Variants in TLR1 observed in about 807,000 individuals in gnomAD.
The protein encoded by TLR1 is toll-like receptor 1.
A neutral mutation model predicts 20.2 loss-of-function variants in TLR1; 19 were observed. The ratio of observed to expected loss-of-function variants is 0.94; its 90% CI spans 0.66 to 1.38. The LOEUF (loss-of-function observed/expected upper bound fraction) is 1.38, where lower values mean the gene tolerates loss of function less well. Ranked by LOEUF, TLR1 falls within the 40% of genes most tolerant of loss-of-function variation. The pLI is 0.00. For missense variants in TLR1, 921 were observed against 910.0 expected, an observed-to-expected ratio of 1.01 and a Z score of -0.16; for synonymous variants, 320 against 334.5, an observed-to-expected ratio of 0.96 and a Z score of 0.47.
chr4:38,796,385 C>A lies in TLR1; in HGVS notation c.*86G>T. On this transcript the variant is annotated 3_prime_UTR_variant, in exon 4 of 4. Transcript: ENST00000308979. ...CATACACTCACAATTGTGTTTACAT[C>A]TATGCTGATGCAAAATAAAGTCATT... The A allele has an allele frequency of 2.1e-6, 3 of 1,459,986 alleles. No homozygotes were observed. The highest frequency in any genetic ancestry group is 2.8e-6 in the Non-Finnish European group (3 of 1,072,956). 90.4% of individuals were successfully genotyped at this position (1,459,986 alleles called of 1,614,324 possible).
chr4:38,797,865 A>C lies in TLR1; in HGVS notation c.967T>G (p.Phe323Val). 6.2e-7 allele frequency: 1 copy of C among 1,614,010 alleles called. No homozygotes were observed. The highest frequency in any genetic ancestry group is 1.1e-5 in the South Asian group (1 of 91,088). The part of the protein sequence containing the change: ...GFPQSYIYEI[F>V]SNMNIKNFTV... ...AAATTTTTGATGTTCATATTCGAAA[A>C]GATTTCATAGATATAACTTTGCGGA... Residue 323 changes from phenylalanine to valine, a missense_variant, in exon 4 of 4, where the codon TTT becomes GTT. Phe to Val is a conservative substitution (Grantham distance 50, BLOSUM62 -1). Transcript: ENST00000308979.
intron 1 of TLR1, 112 bp downstream of exon 1, chr4:38,804,642 A>G (rs1560465236): frequency 2.0e-5 from 3 of 152,254 alleles, no homozygotes; most frequent in African/African-American, 7.2e-5. Context: ...TATCAGAAAT[A>G]TAACCCACTT....
chr4:38,799,418 G>C (rs1726476834), intron 3 of TLR1, among the ~76,000 whole-genome samples: 1 of 152,330 alleles, frequency 6.6e-6, no homozygotes, highest in Non-Finnish European at 1.5e-5. Context: ...ACAAGGCAAG[G>C]AACATCAACA....
downstream of TLR1, among the ~76,000 whole-genome samples, chr4:38,788,899 G>A (rs1056177713): frequency 4.6e-5 from 7 of 152,030 alleles, no homozygotes; most frequent in South Asian, 2.1e-4. Context: ...CTAGCTACTC[G>A]GGAGGCTGAG....
chr4:38,802,323 T>C (rs1484034228), intron 2 of TLR1, among the ~76,000 whole-genome samples: 1 of 149,430 alleles, frequency 6.7e-6, no homozygotes, highest in African/African-American at 2.4e-5. Flanking sequence ...AGCAGACTCC[T>C]GACAAACTCT....
chr4:38,789,371 G>A (rs572157932), downstream of TLR1, among the ~76,000 whole-genome samples: 11 of 152,208 alleles, frequency 7.2e-5, no homozygotes, highest in East Asian at 1.9e-4. Context: ...GTTTTTCTGC[G>A]AATCTGTTGT....
At chr4:38,791,502 A>G (rs1376630034), downstream of TLR1, among the ~76,000 whole-genome samples, 4 of 151,992 alleles carry the variant, frequency 2.6e-5, no homozygotes, top group Non-Finnish European at 5.9e-5. Flanking sequence ...TTACTTCCCA[A>G]TTTCTTATTT....
chr4:38,804,888 G>A (rs1020915621), upstream of TLR1: 4 of 152,102 alleles, frequency 2.6e-5, no homozygotes, highest in East Asian at 3.8e-4. Context: ...GCCACCTACC[G>A]AATTCCACTG....
rs1451050258 is a variant in TLR1 at position 38,798,807 on chromosome 4, T to C, written c.25A>G (p.Ile9Val). 2.5e-6 allele frequency: 4 copies of C among 1,598,630 alleles called. No individual in the cohort carries two copies. The highest frequency in any genetic ancestry group is 1.7e-5 in the Admixed American group (1 of 58,048). MTSIFHFA[I>V]IFMLILQIRI... Reference sequence around the variant, plus strand: ...ATCTGAAGTATTAACATGAAGATAATGGCAAAATGGAAGATGCTAGTCATT... The same window carrying C: ...ATCTGAAGTATTAACATGAAGATAACGGCAAAATGGAAGATGCTAGTCATT... The change falls in exon 4 of 4, where the codon ATT (isoleucine) becomes GTT (valine). Residue 9 changes from isoleucine (I) to valine (V), a missense_variant. Transcript: ENST00000308979.
At chr4:38,805,125 C>T (rs1469096589), upstream of TLR1, 1 of 152,276 alleles carries the variant, frequency 6.6e-6, no homozygotes, top group African/African-American at 2.4e-5. Context: ...GGTGGCTATG[C>T]TTGGCAGAAG....
chr4:38,795,987 G>T (rs561784321), downstream of TLR1, among the ~76,000 whole-genome samples: 38 of 152,196 alleles, frequency 2.5e-4, no homozygotes, highest in African/African-American at 8.9e-4. Flanking sequence ...ATGGTGGGGG[G>T]TTGGGGAGGA....
At chr4:38,799,845 G>T (rs935287437) in intron 3 of TLR1, among the ~76,000 whole-genome samples, 1 of 152,100 alleles carries the variant, frequency 6.6e-6, no homozygotes, top group African/African-American at 2.4e-5. Context: ...TATTCAACCA[G>T]TATTTATTGA....
chr4:38,802,222 AAC>A (rs1224010560), intron 2 of TLR1, among the ~76,000 whole-genome samples: 2 of 152,146 alleles, frequency 1.3e-5, no homozygotes, highest in East Asian at 3.9e-4. Context: ...AAAACAAAAA[AAC>A]AGTCTCTCTA....
rs1183544611 is a variant in TLR1, at chr4:38,797,501, G to A, written c.1331C>T (p.Pro444Leu). 1.3e-5 allele frequency: 21 copies of A among 1,613,970 alleles called. No homozygotes were observed. Among genetic ancestry groups the A allele is most frequent in the Non-Finnish European group, 1.8e-5 (21 of 1,180,028 alleles). Residue 444 changes from proline to leucine, a missense_variant, in exon 4 of 4, where the codon CCT becomes CTT. Transcript: ENST00000308979. ...ILTDTIFRCLPPRIKVLDLHS... is the reference protein window; with the variant it reads ...ILTDTIFRCLLPRIKVLDLHS... The stretch of plus-strand genomic sequence containing the variant: ...AAGATCAAGTACCTTGATCCTGGGA[G>A]GTAAACATCTGAAAATAGTGTCAGT...
rs550337582 is a variant in TLR1, at chr4:38,796,895, T to C, written c.1937A>G (p.His646Arg). The C allele has an allele frequency of 6.8e-6, 11 of 1,614,122 alleles. No homozygotes were observed. Among genetic ancestry groups the C allele is most frequent in the Non-Finnish European group, 8.5e-6 (10 of 1,180,052 alleles). ...QFHAFISYSG[H>R]DSFWVKNELL... ...TTCATTCTTCACCCAGAAAGAATCGTGCCCACTATATGAAATAAATGCATG... is the reference window on the plus strand; with the variant it reads ...TTCATTCTTCACCCAGAAAGAATCGCGCCCACTATATGAAATAAATGCATG... The change falls in exon 4 of 4, where the codon CAC (histidine) becomes CGC (arginine). Residue 646 changes from histidine to arginine, a missense_variant. Transcript: ENST00000308979.
In TLR1 at chr4:38,796,278, C is replaced by A. The variant is rs1007973469; in HGVS notation, c.*193G>T. The A allele has an allele frequency of 6.4e-6, 4 of 622,856 alleles. No individual in the cohort carries two copies. The highest frequency in any genetic ancestry group is 1.1e-5 in the Non-Finnish European group (4 of 369,806). The allele number at this position is 622,856 out of a possible 1,614,324, so 38.6% of individuals were successfully genotyped here. On this transcript the variant is annotated 3_prime_UTR_variant, in exon 4 of 4. Transcript: ENST00000308979. ...CCTTATGTGTCAGAACTGTTTAAAT[C>A]AAAGTTATATCATTTCATTAATTTT...
downstream of TLR1, among the ~76,000 whole-genome samples, chr4:38,790,508 G>T (rs189795377): frequency 1.5e-3 from 226 of 152,188 alleles, 1 homozygote; most frequent in African/African-American, 5.2e-3. Context: ...CTCTCTGGAA[G>T]CTTTTACTAT....
In TLR1 at chr4:38,798,892, A is replaced by G; in HGVS notation, c.-61T>C. The G allele has an allele frequency of 8.0e-7, 1 of 1,246,414 alleles. No homozygotes were observed. 77.2% of individuals were successfully genotyped at this position (1,246,414 alleles called of 1,614,324 possible). ...TTCTTCAGATCATCTTGATACAGATACAGATTCTAGAAAAAAAATAATGAA... is the reference window on the plus strand; with the variant it reads ...TTCTTCAGATCATCTTGATACAGATGCAGATTCTAGAAAAAAAATAATGAA... On this transcript the variant is annotated 5_prime_UTR_variant, in exon 4 of 4. Transcript: ENST00000308979.
chr4:38,800,466 T>G (rs988014038), intron 3 of TLR1: 2 of 152,224 alleles, frequency 1.3e-5, no homozygotes, highest in African/African-American at 4.8e-5. Context: ...GTAGGCACTG[T>G]TCTAGGTTAT....
Sources: allele counts gnomAD v4.1 joint callset (sites outside exome capture counted in the v4.1 genomes callset), GRCh38; gene constraint gnomAD v4.1.1; transcripts MANE v1.5; gene names NCBI Gene and HGNC (gene_info 2026-07-23, HGNC 2026-07-21).